The following CIT variants were observed in gnomAD, a reference collection of about 807,000 sequenced individuals.
The protein encoded by CIT is citron rho-interacting serine/threonine kinase.
CIT carries 79 observed loss-of-function variants against 272.7 expected under a neutral mutation model. The ratio of observed to expected loss-of-function variants is 0.29; its 90% CI spans 0.24 to 0.35. The LOEUF is 0.35. Ranked by LOEUF, CIT falls within the 10% of genes least tolerant of loss-of-function variation. The probability of loss-of-function intolerance (pLI) is 1.00; values close to 1 mark genes in which losing one functional copy is unlikely to be tolerated. For missense variants in CIT, 1,909 were observed against 2,618.3 expected, an observed-to-expected ratio of 0.73 and a Z score of 5.91; for synonymous variants, 948 against 995.6, an observed-to-expected ratio of 0.95 and a Z score of 0.90.
Position 119,712,218 on chromosome 12 carries a change from G to A in CIT, c.4814C>T (p.Ala1605Val). ...TTTTTCCCTAGAAACTCTCCCACCT[G>A]CGACAACTGATTCTAAGGCGGTGAC... ...RWVTALESVV[A>V]GGRVSREKAE... Residue 1605 changes from alanine (A) to valine (V), a missense_variant, in exon 37 of 48, where the codon GCA becomes GTA. By Grantham distance (64) the Ala-to-Val change is moderately conservative. Transcript: ENST00000392521. This position sits in a 1 kb window ranked among gnomAD's most constrained non-coding sequence, Gnocchi z 5.2. 1.2e-6 allele frequency: 2 copies of A among 1,611,168 alleles called. No homozygotes were observed. Among genetic ancestry groups the A allele is most frequent in the Non-Finnish European group, 1.7e-6 (2 of 1,178,550 alleles).
Position 119,785,153 on chromosome 12 carries a change from A to G in CIT, c.1296-88T>C, listed in dbSNP as rs1331399488. The G allele has an allele frequency of 3.6e-6, 5 of 1,384,540 alleles. No homozygotes were observed. The East Asian group carries it at 1.2e-4, about 33-fold the overall frequency. 85.8% of individuals were successfully genotyped at this position (1,384,540 alleles called of 1,614,324 possible). A position where few individuals can be genotyped will look rare whatever the true frequency, so the allele number is the denominator to read the frequency against. On this transcript the variant is annotated intron_variant, in intron 10 of 47. Transcript: ENST00000392521. ...AGCTGCAACATTTGTTTCATTTTACAAAAACATCTCATGCTCTTGATGTTA... is the reference window on the plus strand; with the variant it reads ...AGCTGCAACATTTGTTTCATTTTACGAAAACATCTCATGCTCTTGATGTTA...
Position 119,768,689 on chromosome 12 carries a change from G to A in CIT, c.2209-1507C>T, listed in dbSNP as rs1962745729. On this transcript the variant is annotated intron_variant, in intron 18 of 47. Transcript: ENST00000392521. The surrounding 1 kb of genome is among the most constrained non-coding windows in gnomAD (Gnocchi z 4.3). ...ATCTTGAAGAGTTGAAAATAAACAG[G>A]ATTAATAAAAACATATTTTAAAAGG... Among the ~76,000 whole-genome samples the A allele has an allele frequency of 6.6e-6, 1 of 152,166 alleles. No homozygotes were observed. Among genetic ancestry groups the A allele is most frequent in the Non-Finnish European group, 1.5e-5 (1 of 68,026 alleles).
chr12:119,822,988 A>T lies in CIT; in HGVS notation c.958-15T>A, dbSNP rs1967847517. 6.3e-7 allele frequency: 1 copy of T among 1,598,832 alleles called. No individual in the cohort carries two copies. The highest frequency in any genetic ancestry group is 1.1e-5 in the South Asian group (1 of 87,922). On this transcript the variant is annotated splice_polypyrimidine_tract_variant and intron_variant, in intron 8 of 47. Transcript: ENST00000392521. Reference sequence around the variant, plus strand: ...TTCAAAAACCGCTGTTCCAAAAAAAATAAGAGAATTATTTCCTTAGTAGGG... The same window carrying T: ...TTCAAAAACCGCTGTTCCAAAAAAATTAAGAGAATTATTTCCTTAGTAGGG...
chr12:119,819,177 G>A (rs1401453989), intron 9 of CIT, among the ~76,000 whole-genome samples: 2 of 152,180 alleles, frequency 1.3e-5, no homozygotes, highest in African/African-American at 4.8e-5. Flanking sequence ...ATAAGCAGCT[G>A]AAAAACCAAT....
rs776782740 is a variant in CIT, at chr12:119,701,605, G to A, written c.5542+19C>T. On this transcript the variant is annotated intron_variant, in intron 43 of 47. Coordinates refer to ENST00000392521, the MANE Select transcript of CIT (RefSeq NM_001206999.2). ...GTCCATGAGGACCCAAAAGGGCAGT[G>A]GGCGCAGCCACGACTCACCGTGGAA... 2.5e-6 allele frequency: 4 copies of A among 1,611,066 alleles called. No individual in the cohort carries two copies. The highest frequency in any genetic ancestry group is 3.4e-6 in the Non-Finnish European group (4 of 1,178,592).
At chr12:119,720,436 A>T in intron 30 of CIT, 42 bp downstream of exon 30, 1 of 1,353,368 alleles carries the variant, frequency 7.4e-7, no homozygotes, top group Non-Finnish European at 1.1e-6. Flanking sequence ...ATGAATGATG[A>T]GTGAAACTGA....
intron 4 of CIT, among the ~76,000 whole-genome samples, chr12:119,856,491 C>T (rs1397948940): frequency 6.6e-6 from 1 of 151,982 alleles, no homozygotes; most frequent in African/African-American, 2.4e-5. Flanking sequence ...TCCCCCTCCC[C>T]ACCCAAATGT....
chr12:119,709,579 CTGT>C (rs1957047960), intron 39 of CIT, among the ~76,000 whole-genome samples: 2 of 152,170 alleles, frequency 1.3e-5, no homozygotes, highest in African/African-American at 4.8e-5. Flanking sequence ...CAAGACCTAA[CTGT>C]TGTTGTTTTG....
At chr12:119,742,586 T>C (rs1959112049) in intron 23 of CIT, 122 bp from the exon 24 acceptor site, 1 of 623,660 alleles carries the variant, frequency 1.6e-6, no homozygotes, top group South Asian at 2.2e-5. Context: ...CCAGCATCTG[T>C]TTTTCTAAGA....
At chr12:119,855,967 T>G (rs11064931) in intron 4 of CIT, among the ~76,000 whole-genome samples, 7,618 of 152,278 alleles carry the variant, frequency 0.05, 375 homozygotes, top group African/African-American at 0.13. Flanking sequence ...GACACAGTTC[T>G]TTCTCAGGAG....
rs758313172 is a variant in CIT at position 119,713,060 on chromosome 12, G to A, written c.4579+143C>T. 8 of 701,098 alleles carry A rather than the reference G, an allele frequency of 1.1e-5. No homozygotes were observed. Among genetic ancestry groups the A allele is most frequent in the African/African-American group, 1.8e-5 (1 of 56,162 alleles). 43.4% of individuals were successfully genotyped at this position (701,098 alleles called of 1,614,324 possible). A position where few individuals can be genotyped will look rare whatever the true frequency, so the allele number is the denominator to read the frequency against. ...GAGTATCGCACCAATAACCTTTAGA[G>A]AAGTCATTTGGTTTGTAAGTTTCAA... On this transcript the variant is annotated intron_variant, in intron 35 of 47. Coordinates refer to ENST00000392521, the MANE Select transcript of CIT (RefSeq NM_001206999.2). This position sits in a 1 kb window ranked among gnomAD's most constrained non-coding sequence, Gnocchi z 5.2.
At chr12:119,835,942 G>C (rs1343205653) in intron 5 of CIT, among the ~76,000 whole-genome samples, 1 of 152,052 alleles carries the variant, frequency 6.6e-6, no homozygotes, top group Non-Finnish European at 1.5e-5. Context: ...CCAGACACTG[G>C]ACAATTGCAT....
intron 21 of CIT, 94 bp downstream of exon 21, chr12:119,758,497 A>G: frequency 1.2e-6 from 1 of 808,438 alleles, no homozygotes; most frequent in South Asian, 1.4e-5. Flanking sequence ...CATTCAATCC[A>G]CTCCAGCTCC....
chr12:119,770,863 C>T lies in CIT; in HGVS notation c.2130G>A (p.Met710Ile). ...LENKVKRLETMERRENRLKDD... is the reference protein window; with the variant it reads ...LENKVKRLETIERRENRLKDD... ...CCTTCAGTCTGTTTTCTCTACGCTC[C>T]ATGGTCTCTAGTCTCTTTACCTTGT... Residue 710 changes from methionine to isoleucine, a missense_variant, in exon 18 of 48, where the codon ATG (methionine) becomes ATA (isoleucine). Coordinates refer to ENST00000392521, the MANE Select transcript of CIT (RefSeq NM_001206999.2). This position sits in a 1 kb window ranked among gnomAD's most constrained non-coding sequence, Gnocchi z 4.4. 6.2e-7 allele frequency: 1 copy of T among 1,612,862 alleles called. No individual in the cohort carries two copies. The highest frequency in any genetic ancestry group is 8.5e-7 in the Non-Finnish European group (1 of 1,179,880).
intron 17 of CIT, among the ~76,000 whole-genome samples, chr12:119,772,455 A>G (rs942494175): frequency 1.3e-5 from 2 of 152,188 alleles, no homozygotes; most frequent in Non-Finnish European, 1.5e-5. Context: ...CAGAGGGAAG[A>G]GAAAGAAAAA....
At position 119,787,980 on chromosome 12, in the gene CIT, C is replaced by T. The variant is rs547074666; in HGVS notation, c.1296-2915G>A. 1.6e-4 allele frequency among the ~76,000 whole-genome samples: 24 copies of T among 152,254 alleles called. No individual in the cohort carries two copies. The South Asian group carries it at 5.0e-3, about 32-fold the overall frequency. Reference sequence around the variant, plus strand: ...GTTACTACTGTCATTGTTGTGTTTTCCATTACTACCCATGCAACTTCATAA... The same window carrying T: ...GTTACTACTGTCATTGTTGTGTTTTTCATTACTACCCATGCAACTTCATAA... On this transcript the variant is annotated intron_variant, in intron 10 of 47. Transcript: ENST00000392521.
chr12:119,842,388 C>CAAAAAAAAAAAAAAAAAAAAAAAAAA (rs58634070), intron 5 of CIT, among the ~76,000 whole-genome samples: 1 of 71,536 alleles, frequency 1.4e-5, no homozygotes, highest in African/African-American at 5.2e-5. Flanking sequence ...GACTGCATCT[C>CAAAAAAAAAAAAAAAAAAAAAAAAAA]AAAAAAAAAA....
At position 119,690,169 on chromosome 12, in the gene CIT, C is replaced by A. The variant is rs759830154; in HGVS notation, c.6168G>T (p.Pro2056=). 6.7e-7 allele frequency: 1 copy of A among 1,481,936 alleles called. No individual in the cohort carries two copies. The highest frequency in any genetic ancestry group is 2.4e-5 in the Admixed American group (1 of 40,920). 91.8% of individuals were successfully genotyped at this position (1,481,936 alleles called of 1,614,324 possible). A position where few individuals can be genotyped will look rare whatever the true frequency, so the allele number is the denominator to read the frequency against. Residue 2056 remains proline (P), a synonymous_variant, in exon 47 of 48, where the codon CCG becomes CCT. Coordinates refer to ENST00000392521, the MANE Select transcript of CIT (RefSeq NM_001206999.2). The surrounding 1 kb of genome is among the most constrained non-coding windows in gnomAD (Gnocchi z 6.0). ...GCCTCACCTTGTTCACCTGGGACAG[C>A]GGGGTCCTCACGGCTCCCGCAGGCA... ...GRLPAGAVRT[P]LSQVNKVWDQ... is the part of the protein sequence containing the mutation.
chr12:119,843,665 C>G (rs1458683867), intron 5 of CIT, among the ~76,000 whole-genome samples: 1 of 152,002 alleles, frequency 6.6e-6, no homozygotes, highest in East Asian at 1.9e-4. Flanking sequence ...CAAAAATTAG[C>G]TGGGCATGGT....
Sources: gnomAD v4.1 joint callset for allele counts (sites outside exome capture counted in the v4.1 genomes callset) on GRCh38, gnomAD v4.1.1 for gene constraint, Gnocchi (gnomAD v3.1) non-coding constraint, MANE v1.5 for transcripts, NCBI Gene and HGNC (gene_info 2026-07-23, HGNC 2026-07-21) for gene names.